The following ARID1B variants were observed in gnomAD, a reference collection of about 807,000 sequenced individuals.
The protein encoded by ARID1B is AT-rich interactive domain-containing protein 1B.
ARID1B carries 30 observed loss-of-function variants against 212.3 expected under a neutral mutation model. The ratio of observed to expected loss-of-function variants is 0.14; its 90% CI spans 0.11 to 0.19. ARID1B has a LOEUF of 0.19. ARID1B is among the 10% of genes least tolerant of loss of function. ARID1B has a pLI of 1.00. For synonymous variants in ARID1B, 1,402 were observed against 1,301.7 expected, an observed-to-expected ratio of 1.08 and a Z score of -1.66; for missense variants, 2,891 against 3,204.0, an observed-to-expected ratio of 0.90 and a Z score of 2.36.
intron 5 of ARID1B, chr6:157,108,027 T>C (rs1356856859): frequency 6.6e-6 from 1 of 152,214 alleles, no homozygotes; most frequent in Admixed American, 6.5e-5. Context: ...CTGTGGAAGA[T>C]CAAGTTGTTT....
intron 13 of ARID1B, among the ~76,000 whole-genome samples, chr6:157,188,810 G>A (rs985554373): frequency 6.6e-6 from 1 of 152,152 alleles, no homozygotes; most frequent in Admixed American, 6.5e-5. Context: ...GCGTGCTAAG[G>A]ACTGCAGTAG....
intron 3 of ARID1B, among the ~76,000 whole-genome samples, chr6:156,932,095 T>C (rs1014720569): frequency 1.3e-4 from 16 of 127,606 alleles, no homozygotes; most frequent in Non-Finnish European, 1.5e-4. Flanking sequence ...CAGTGAGCTA[T>C]GATTAGGCTG....
At chr6:157,163,744 C>T (rs1052887784) in intron 8 of ARID1B, among the ~76,000 whole-genome samples, 3 of 152,248 alleles carry the variant, frequency 2.0e-5, no homozygotes, top group African/African-American at 7.2e-5. Flanking sequence ...GGAGAGTTTA[C>T]ACCCTCTGGT....
At chr6:156,907,402 A>G (rs1329510956) in intron 3 of ARID1B, among the ~76,000 whole-genome samples, 1 of 152,098 alleles carries the variant, frequency 6.6e-6, no homozygotes, top group African/African-American at 2.4e-5. Context: ...TTTACTTATA[A>G]TCTGTTTTTG....
At chr6:156,903,440 T>C (rs905740284) in intron 3 of ARID1B, among the ~76,000 whole-genome samples, 3 of 152,296 alleles carry the variant, frequency 2.0e-5, no homozygotes, top group Admixed American at 2.0e-4. Flanking sequence ...TTGTACTCCC[T>C]AGCTATAAAA....
intron 4 of ARID1B, among the ~76,000 whole-genome samples, chr6:157,067,390 T>C (rs539930849): frequency 1.4e-3 from 212 of 152,270 alleles, no homozygotes; most frequent in African/African-American, 4.6e-3. Flanking sequence ...TGAGAACAAA[T>C]GGGGTTTGAA....
At chr6:156,844,105 ACACATG>A (rs1050660138) in intron 2 of ARID1B, among the ~76,000 whole-genome samples, 2 of 152,218 alleles carry the variant, frequency 1.3e-5, no homozygotes, top group Non-Finnish European at 2.9e-5. Flanking sequence ...TTTTCAGTTT[ACACATG>A]GTTATGAGCA....
intron 2 of ARID1B, among the ~76,000 whole-genome samples, chr6:156,859,878 C>A (rs757426170): frequency 1.3e-5 from 2 of 152,326 alleles, no homozygotes; most frequent in African/African-American, 2.4e-5. Flanking sequence ...GACTTTCACA[C>A]CCTTCTTGTC....
At chr6:157,151,687 A>C (rs1190490950) in intron 8 of ARID1B, 2 of 152,258 alleles carry the variant, frequency 1.3e-5, no homozygotes, top group East Asian at 3.8e-4. Context: ...TGCTAAAAAA[A>C]ATAATTATTG....
chr6:156,901,485 A>G lies in ARID1B; in HGVS notation c.2096A>G (p.Tyr699Cys). 1.9e-6 allele frequency: 3 copies of G among 1,614,036 alleles called. No individual in the cohort carries two copies. The highest frequency in any genetic ancestry group is 1.1e-5 in the South Asian group (1 of 91,082). The change falls in exon 3 of 20, where the codon TAT becomes TGT. Residue 699 changes from tyrosine (Y) to cysteine (C), a missense_variant. Transcript: ENST00000636930. ...CCGCACCTCCCACCCCAGGCGCAGT[A>G]TCTGCCGTCCCAGTCCCAGCAGAGG... is the stretch of plus-strand genomic sequence containing the variant. ...QPPHLPPQAQYLPSQSQQRYQ... is the reference protein window; with the variant it reads ...QPPHLPPQAQCLPSQSQQRYQ...
intron 2 of ARID1B, among the ~76,000 whole-genome samples, chr6:156,871,430 A>G (rs1191552555): frequency 2.0e-5 from 3 of 152,236 alleles, no homozygotes; most frequent in Non-Finnish European, 2.9e-5. Flanking sequence ...GATCCCATGG[A>G]TAACCCTTTT....
Position 156,829,340 on chromosome 6 carries a change from T to G in ARID1B, c.1905T>G (p.Pro635=). 6.2e-7 allele frequency: 1 copy of G among 1,614,194 alleles called. No individual in the cohort carries two copies. The highest frequency in any genetic ancestry group is 1.1e-5 in the South Asian group (1 of 91,088). ...SSPYPGGSYG[P]PGPQRYPIGI... ...CGTACCCAGGAGGTTCCTATGGCCC[T>G]CCAGGCCCACAGCGGTATCCAATTG... Residue 635 remains proline (P), a synonymous_variant, in exon 2 of 20, where the codon CCT becomes CCG. Transcript: ENST00000636930.
At chr6:157,125,997 A>T (rs1788110982) in intron 6 of ARID1B, among the ~76,000 whole-genome samples, 1 of 152,178 alleles carries the variant, frequency 6.6e-6, no homozygotes, top group East Asian at 1.9e-4. Flanking sequence ...TTTGCTTTTT[A>T]AAAAATACTC....
chr6:156,962,240 A>C (rs1476806607), intron 4 of ARID1B, among the ~76,000 whole-genome samples: 1 of 152,152 alleles, frequency 6.6e-6, no homozygotes, highest in African/African-American at 2.4e-5. Flanking sequence ...CGGAGCTTGC[A>C]GTGAGCTGAG....
At chr6:157,123,471 A>T (rs1466140224) in intron 6 of ARID1B, among the ~76,000 whole-genome samples, 1 of 152,226 alleles carries the variant, frequency 6.6e-6, no homozygotes, top group East Asian at 1.9e-4. Flanking sequence ...GTGAGGCAGG[A>T]TCCCCCTCAG....
At chr6:156,995,928 A>G (rs1778559600) in intron 4 of ARID1B, among the ~76,000 whole-genome samples, 1 of 152,222 alleles carries the variant, frequency 6.6e-6, no homozygotes, top group Admixed American at 6.5e-5. Context: ...CTATAGAAAA[A>G]GAATTCACTT....
intron 1 of ARID1B, among the ~76,000 whole-genome samples, chr6:156,820,031 A>G (rs985093087): frequency 2.0e-5 from 3 of 152,162 alleles, no homozygotes; most frequent in African/African-American, 7.2e-5. Context: ...GGATTCTGAC[A>G]TGAATATCTG....
In ARID1B at chr6:156,915,617, C is replaced by T. The variant is rs544609824; in HGVS notation, c.2136+14092C>T. ...CACATTTTAAAGATTTGGTTTTGGG[C>T]GGGCTCAGTGGCTCATGCCTGAAAT... On this transcript the variant is annotated intron_variant, in intron 3 of 19. Transcript: ENST00000636930. Among the ~76,000 whole-genome samples the T allele has an allele frequency of 2.3e-3, 354 of 151,486 alleles. 6 individuals are homozygous for T. The highest frequency in any genetic ancestry group is 4.6e-4 in the Non-Finnish European group (31 of 67,868).
chr6:156,923,855 G>A (rs764322562), intron 3 of ARID1B, among the ~76,000 whole-genome samples: 1 of 151,844 alleles, frequency 6.6e-6, no homozygotes, highest in Non-Finnish European at 1.5e-5. Flanking sequence ...TTACAGGTGT[G>A]CGCCACCATG....
Sources: allele counts gnomAD v4.1 joint callset (sites outside exome capture counted in the v4.1 genomes callset), GRCh38; gene constraint gnomAD v4.1.1; transcripts MANE v1.5; gene names NCBI Gene and HGNC (gene_info 2026-07-23, HGNC 2026-07-21).